Variants in DNAH11 observed in about 807,000 individuals in gnomAD.
The protein encoded by DNAH11 is axonemal beta dynein heavy chain 11.
A neutral mutation model predicts 526.0 loss-of-function variants in DNAH11; 442 were observed. The ratio of observed to expected loss-of-function variants is 0.84; its 90% CI spans 0.78 to 0.91. The LOEUF (loss-of-function observed/expected upper bound fraction) is 0.91. DNAH11 is among the 40% of genes least tolerant of loss of function. The pLI, the probability that DNAH11 is intolerant of heterozygous loss-of-function variation, is 0.00. For missense variants in DNAH11, 6,989 were observed against 5,448.7 expected (o/e 1.28, Z -8.90); for synonymous variants, 2,461 against 1,935.9 (o/e 1.27, Z -7.12).
At chr7:21,614,251 A>T (rs1369611751) in intron 20 of DNAH11, among the ~76,000 whole-genome samples, 1 of 152,234 alleles carries the variant, frequency 6.6e-6, no homozygotes, top group East Asian at 1.9e-4. Flanking sequence ...GAGAAAATAG[A>T]AAGTGGAAAA....
chr7:21,640,974 C>T (rs1273404041), intron 28 of DNAH11, among the ~76,000 whole-genome samples: 1 of 152,188 alleles, frequency 6.6e-6, no homozygotes, highest in Non-Finnish European at 1.5e-5. Flanking sequence ...TCACCCTTAA[C>T]AGCAAGGATC....
chr7:21,674,885 A>G (rs112336318), intron 30 of DNAH11, among the ~76,000 whole-genome samples: 1 of 152,058 alleles, frequency 6.6e-6, no homozygotes, highest in Non-Finnish European at 1.5e-5. Context: ...AAACCAACAT[A>G]CTTCACTAGT....
chr7:21,659,121 T>A (rs1366373740), intron 30 of DNAH11, 90 bp downstream of exon 30: 1 of 1,101,848 alleles, frequency 9.1e-7, no homozygotes, highest in Non-Finnish European at 1.3e-6. Context: ...ATTTACCGAG[T>A]GTCATCTGTG....
At position 21,813,303 on chromosome 7, in the gene DNAH11, A is replaced by G. The variant is rs183461660; in HGVS notation, c.10333-3164A>G. Among the ~76,000 whole-genome samples, 9 of 152,314 alleles carry G rather than the reference A, an allele frequency of 5.9e-5. No homozygotes were observed. The East Asian group carries it at 1.7e-3, about 29-fold the overall frequency. On this transcript the variant is annotated intron_variant, in intron 63 of 81. Transcript: ENST00000409508. ...ATAGACAGAGCAAATACATGGAGTT[A>G]TTAGTGCCAATAATTAGTTATTAGT...
chr7:21,844,837 T>A (rs12700309), intron 66 of DNAH11, among the ~76,000 whole-genome samples: 1 of 152,076 alleles, frequency 6.6e-6, no homozygotes, highest in African/African-American at 2.4e-5. Context: ...AGTTGCCATG[T>A]AGGCAAAGAC....
Position 21,588,550 on chromosome 7 carries a change from A to G in DNAH11, c.1887A>G (p.Pro629=), listed in dbSNP as rs748483853. 64 of 1,613,718 alleles carry G rather than the reference A, an allele frequency of 4.0e-5. No homozygotes were observed. In the South Asian group the frequency reaches 6.5e-4, roughly 16 times the overall value. ...ATGTAGTTCTTAACAAGAACATGCC[A>G]TTTACCTCAGGAAATATGAAATGGG... ...CGHVVLNKNM[P]FTSGNMKWAQ... The change falls in exon 11 of 82, where the codon CCA becomes CCG. Residue 629 remains proline (P), a synonymous_variant. Transcript: ENST00000409508.
At chr7:21,733,216 T>C (rs1001000576) in intron 45 of DNAH11, among the ~76,000 whole-genome samples, 1 of 152,166 alleles carries the variant, frequency 6.6e-6, no homozygotes. Flanking sequence ...GTGAAACCTC[T>C]TCTGTACTAA....
At chr7:21,588,742 G>T (rs749503760) in intron 11 of DNAH11, 106 bp downstream of exon 11, 1 of 1,320,106 alleles carries the variant, frequency 7.6e-7, no homozygotes, top group Admixed American at 2.0e-5. Flanking sequence ...CCATTGCCCT[G>T]TTCACTTCTC....
intron 61 of DNAH11, among the ~76,000 whole-genome samples, chr7:21,790,377 G>C (rs1017891048): frequency 6.6e-6 from 1 of 151,970 alleles, no homozygotes; most frequent in African/African-American, 2.4e-5. Flanking sequence ...GTGAACCCAG[G>C]AAGTGGAGCT....
intron 28 of DNAH11, among the ~76,000 whole-genome samples, chr7:21,651,757 C>A (rs1781784459): frequency 6.6e-6 from 1 of 152,244 alleles, no homozygotes. Context: ...CAACATGGTT[C>A]AAATTTCAGC....
intron 68 of DNAH11, among the ~76,000 whole-genome samples, chr7:21,859,957 G>A (rs1261159741): frequency 6.6e-6 from 1 of 152,060 alleles, no homozygotes; most frequent in African/African-American, 2.4e-5. Context: ...CTCCAAAGAT[G>A]TTATAAAAAT....
intron 62 of DNAH11, among the ~76,000 whole-genome samples, chr7:21,807,347 A>T (rs571187412): frequency 4.9e-4 from 75 of 152,262 alleles, no homozygotes; most frequent in African/African-American, 1.5e-3. Context: ...AAAAATACAA[A>T]AATTTGCCAG....
rs1167740225 is a variant in DNAH11 at position 21,588,633 on chromosome 7, A to T, written c.1970A>T (p.Tyr657Phe). ...MFWSNFASLR[Y>F]LFLGNPDHAL... The stretch of plus-strand genomic sequence containing the variant: ...TGGTCAAACTTCGCATCTCTCCGTT[A>T]TCTGTAAGTAGTTAAGCTTAGGTCA... The change falls in exon 11 of 82, where the codon TAT (tyrosine) becomes TTT (phenylalanine). Residue 657 changes from tyrosine (Y) to phenylalanine (F), a missense_variant. Tyr to Phe is a conservative substitution (Grantham distance 22). Coordinates refer to ENST00000409508, the MANE Select transcript of DNAH11 (RefSeq NM_001277115.2). The T allele has an allele frequency of 1.7e-5, 28 of 1,612,894 alleles. No homozygotes were observed. The highest frequency in any genetic ancestry group is 2.4e-5 in the Non-Finnish European group (28 of 1,179,106).
rs186110895 is a variant in DNAH11, at chr7:21,838,806, G to A, written c.10692-3738G>A. 1.6e-4 allele frequency among the ~76,000 whole-genome samples: 24 copies of A among 151,504 alleles called. No homozygotes were observed. In the East Asian group the frequency reaches 2.3e-3, roughly 15 times the overall value. On this transcript the variant is annotated intron_variant, in intron 65 of 81. Transcript: ENST00000409508. ...GTGCAGTGGCCTGATCACAGCTCAC[G>A]GCAGCCTCGACCTCCCAAGGCTCAG...
chr7:21,635,320 C>T (rs918520651), intron 25 of DNAH11, among the ~76,000 whole-genome samples: 1 of 152,174 alleles, frequency 6.6e-6, no homozygotes, highest in Non-Finnish European at 1.5e-5. Flanking sequence ...CCACGCCCAG[C>T]TAATTTCTTG....
intron 63 of DNAH11, 85 bp from the exon 64 acceptor site, chr7:21,816,382 C>T (rs1173009189): frequency 2.7e-6 from 3 of 1,126,414 alleles, no homozygotes; most frequent in Non-Finnish European, 3.9e-6. Context: ...GGGTTACTTT[C>T]TCATGACTTT....
At chr7:21,741,819 T>C (rs1785910880) in intron 48 of DNAH11, 108 bp from the exon 49 acceptor site, 1 of 1,287,014 alleles carries the variant, frequency 7.8e-7, no homozygotes, top group South Asian at 1.5e-5. Context: ...ACTAAAAAGC[T>C]ACATGGTAAT....
At chr7:21,721,007 T>A (rs1198252072) in intron 44 of DNAH11, among the ~76,000 whole-genome samples, 151 bp downstream of exon 44, 3 of 152,192 alleles carry the variant, frequency 2.0e-5, no homozygotes, top group African/African-American at 7.2e-5. Flanking sequence ...ATTCTCTGGG[T>A]AGTCCCATCC....
Position 21,890,108 on chromosome 7 carries a change from T to G in DNAH11, c.12508-2317T>G, listed in dbSNP as rs78827351. Among the ~76,000 whole-genome samples the G allele has an allele frequency of 8.5e-4, 130 of 152,322 alleles. 2 individuals are homozygous for G. In the East Asian group the frequency reaches 0.023, roughly 27 times the overall value. ...TGAGCTGTTTGCATACCTTATTAAA[T>G]TCTTATGGCCACAACCATTAGGTTG... On this transcript the variant is annotated intron_variant, in intron 76 of 81. Coordinates refer to ENST00000409508, the MANE Select transcript of DNAH11 (RefSeq NM_001277115.2).
Sources: allele counts gnomAD v4.1 joint callset (sites outside exome capture counted in the v4.1 genomes callset), GRCh38; gene constraint gnomAD v4.1.1; transcripts MANE v1.5; gene names NCBI Gene and HGNC (gene_info 2026-07-23, HGNC 2026-07-21).